DOCK5: variants seen among roughly 807,000 people sequenced by gnomAD.
DOCK5 encodes dedicator of cytokinesis protein 5.
A neutral mutation model predicts 251.8 loss-of-function variants in DOCK5; 142 were observed. That is an observed-to-expected ratio of 0.56 (90% CI 0.49 to 0.65). The LOEUF (loss-of-function observed/expected upper bound fraction) is 0.65, where lower values mean the gene tolerates loss of function less well. Among genes scored for constraint, DOCK5 ranks in the 30% least tolerant of loss-of-function variants. The pLI, the probability that DOCK5 is intolerant of heterozygous loss-of-function variation, is 0.00. For synonymous variants in DOCK5, 842 were observed against 835.5 expected, an observed-to-expected ratio of 1.01 and a Z score of -0.13; for missense variants, 2,111 against 2,312.3, an observed-to-expected ratio of 0.91 and a Z score of 1.79.
chr8:25,351,705 G>T lies in DOCK5; in HGVS notation c.2755-26G>T, dbSNP rs1362674926. 3 of 1,584,624 alleles carry T rather than the reference G, an allele frequency of 1.9e-6. No homozygotes were observed. The African/African-American group carries it at 4.0e-5, about 21-fold the overall frequency. On this transcript the variant is annotated intron_variant, in intron 26 of 51. Transcript: ENST00000276440. ...AAAGTGAAACTGAGTCAGAAGGAAT[G>T]GAGTCAAATCCTGTGTTCCCTGCAG... is the stretch of plus-strand genomic sequence containing the variant.
At chr8:25,291,491 T>C (rs924646660) in intron 5 of DOCK5, among the ~76,000 whole-genome samples, 2 of 150,718 alleles carry the variant, frequency 1.3e-5, no homozygotes, top group Admixed American at 1.3e-4. Flanking sequence ...GAGACCAGCC[T>C]GGCCAACGTG....
At chr8:25,316,129 G>C (rs2057793537) in intron 13 of DOCK5, among the ~76,000 whole-genome samples, 2 of 152,208 alleles carry the variant, frequency 1.3e-5, no homozygotes, top group Non-Finnish European at 2.9e-5. Context: ...AAAAGAAAAA[G>C]AGCAGCAGAA....
intron 27 of DOCK5, among the ~76,000 whole-genome samples, chr8:25,355,936 T>TA (rs1020119394): frequency 1.1e-4 from 17 of 151,458 alleles, no homozygotes; most frequent in Non-Finnish European, 2.2e-4. Context: ...CTCACGCCTG[T>TA]AATCCCTGCA....
At chr8:25,338,241 A>G (rs909023448) in intron 22 of DOCK5, among the ~76,000 whole-genome samples, 1 of 151,838 alleles carries the variant, frequency 6.6e-6, no homozygotes, top group South Asian at 2.1e-4. Flanking sequence ...GGGTCTCTCT[A>G]TGTTACCCAG....
At position 25,411,993 on chromosome 8, in the gene DOCK5, C is replaced by T. The variant is rs1801638849; in HGVS notation, c.*695C>T. On this transcript the variant is annotated 3_prime_UTR_variant, in exon 52 of 52. Transcript: ENST00000276440. ...GAAAGCTGCCCTCTCCCTCTCCCAC[C>T]ACACTCCTGACTAATGGCCTTCACT... The T allele has an allele frequency of 6.6e-6, 1 of 151,966 alleles. No individual in the cohort carries two copies. Among genetic ancestry groups the T allele is most frequent in the Admixed American group, 6.6e-5 (1 of 15,250 alleles). 9.4% of individuals were successfully genotyped at this position (151,966 alleles called of 1,614,324 possible). A position where few individuals can be genotyped will look rare whatever the true frequency, so the allele number is the denominator to read the frequency against.
At chr8:25,364,495 A>G in intron 29 of DOCK5, 131 bp from the exon 30 acceptor site, 1 of 636,646 alleles carries the variant, frequency 1.6e-6, no homozygotes, top group Non-Finnish European at 2.8e-6. Flanking sequence ...GTTGTCTGCA[A>G]GGACACTGTT....
At chr8:25,308,612 T>G in intron 11 of DOCK5, 171 bp from the exon 12 acceptor site, 5 of 778,622 alleles carry the variant, frequency 6.4e-6, no homozygotes, top group Non-Finnish European at 9.6e-6. Context: ...CAAGGTGAAT[T>G]TAGTATTTAA....
At chr8:25,202,548 A>T (rs1289140200) in intron 1 of DOCK5, among the ~76,000 whole-genome samples, 1 of 152,196 alleles carries the variant, frequency 6.6e-6, no homozygotes. Context: ...TGTTCTGAGG[A>T]AGCCCATGTT....
chr8:25,278,795 G>A, intron 5 of DOCK5, 130 bp downstream of exon 5: 3 of 819,708 alleles, frequency 3.7e-6, no homozygotes, highest in East Asian at 2.7e-5. Context: ...ATCACACAAA[G>A]GCTGATAAGC....
At chr8:25,220,751 T>C (rs1802365990) in intron 1 of DOCK5, among the ~76,000 whole-genome samples, 1 of 152,172 alleles carries the variant, frequency 6.6e-6, no homozygotes, top group Non-Finnish European at 1.5e-5. Flanking sequence ...ATTACAGATA[T>C]CTGCCATCAT....
At chr8:25,400,886 C>A in intron 46 of DOCK5, 43 bp from the exon 47 acceptor site, 1 of 1,609,640 alleles carries the variant, frequency 6.2e-7, no homozygotes, top group Non-Finnish European at 8.5e-7. Flanking sequence ...AACGATCCCT[C>A]TTCCTGAAGC....
chr8:25,388,006 T>C (rs529836665), intron 40 of DOCK5, among the ~76,000 whole-genome samples: 40 of 152,322 alleles, frequency 2.6e-4, no homozygotes, highest in African/African-American at 9.6e-4. Flanking sequence ...TTGAGTCCCA[T>C]AGACTTTTCC....
At position 25,415,147 on chromosome 8, in the gene DOCK5, G is replaced by A. The variant is rs985698234; in HGVS notation, c.*3849G>A. On this transcript the variant is annotated 3_prime_UTR_variant, in exon 52 of 52. Coordinates refer to ENST00000276440, the MANE Select transcript of DOCK5 (RefSeq NM_024940.8). ...AAAGATTTGTGGACATTAAAATTAT[G>A]AATATGTCAGTAATAATCCAGCACA... 5 of 152,004 alleles carry A rather than the reference G, an allele frequency of 3.3e-5. No individual in the cohort carries two copies. The highest frequency in any genetic ancestry group is 1.2e-4 in the African/African-American group (5 of 41,350). The allele number at this position is 152,004 out of a possible 1,614,324, so 9.4% of individuals were successfully genotyped here.
intron 8 of DOCK5, among the ~76,000 whole-genome samples, chr8:25,300,375 C>T (rs17053344): frequency 1.1e-3 from 161 of 152,286 alleles, no homozygotes; most frequent in African/African-American, 3.6e-3. Flanking sequence ...ACAGCAGGGA[C>T]GCTTCTCTAA....
At chr8:25,242,001 TG>T (rs1042804752) in intron 1 of DOCK5, among the ~76,000 whole-genome samples, 1 of 111,216 alleles carries the variant, frequency 9.0e-6, no homozygotes, top group African/African-American at 3.5e-5. Flanking sequence ...TGGGGCCTTT[TG>T]GGGGGTGGGG....
intron 4 of DOCK5, chr8:25,277,020 G>T (rs1804057683): frequency 6.6e-6 from 1 of 152,348 alleles, no homozygotes; most frequent in African/African-American, 2.4e-5. Flanking sequence ...TTTACTTTGT[G>T]TGGGAGCCGA....
intron 40 of DOCK5, among the ~76,000 whole-genome samples, chr8:25,388,642 G>A (rs1801204660): frequency 6.6e-6 from 1 of 152,174 alleles, no homozygotes. Flanking sequence ...TTAAGTGGTG[G>A]TCCACAAATT....
intron 4 of DOCK5, 33 bp downstream of exon 4, chr8:25,275,474 T>A: frequency 6.4e-7 from 1 of 1,567,786 alleles, no homozygotes; most frequent in Non-Finnish European, 8.7e-7. Context: ...TCCCCAAAAA[T>A]GATGAAGATG....
At chr8:25,202,756 A>G (rs1801909375) in intron 1 of DOCK5, among the ~76,000 whole-genome samples, 1 of 152,364 alleles carries the variant, frequency 6.6e-6, no homozygotes, top group South Asian at 2.1e-4. Context: ...GTTATCAACA[A>G]TAACTAATAA....
Sources: allele counts gnomAD v4.1 joint callset (sites outside exome capture counted in the v4.1 genomes callset), GRCh38; gene constraint gnomAD v4.1.1; transcripts MANE v1.5; gene names NCBI Gene and HGNC (gene_info 2026-07-23, HGNC 2026-07-21).